Variants in PALS2 observed in about 807,000 individuals in gnomAD.
PALS2 encodes the protein protein associated with LIN7 2, MAGUK p55 family member.
PALS2 carries 27 observed loss-of-function variants against 61.6 expected under a neutral mutation model. The ratio of observed to expected loss-of-function variants is 0.44; its 90% CI spans 0.32 to 0.60. The LOEUF is 0.60. Among genes scored for constraint, PALS2 ranks in the 20% least tolerant of loss-of-function variants. PALS2 has a pLI of 0.05. For synonymous variants in PALS2, 236 were observed against 218.6 expected, an observed-to-expected ratio of 1.08 and a Z score of -0.70; for missense variants, 554 against 639.4, an observed-to-expected ratio of 0.87 and a Z score of 1.44.
chr7:24,654,570 T>C (rs1053139033), intron 5 of PALS2, among the ~76,000 whole-genome samples: 1 of 152,032 alleles, frequency 6.6e-6, no homozygotes, highest in African/African-American at 2.4e-5. Context: ...CCAAAAAAAT[T>C]CAAGACCTCT....
chr7:24,608,029 C>T (rs1024264901), intron 1 of PALS2, among the ~76,000 whole-genome samples: 1 of 151,998 alleles, frequency 6.6e-6, no homozygotes, highest in Non-Finnish European at 1.5e-5. Context: ...ACATCTTTTA[C>T]CACATACATG....
chr7:24,668,450 T>C (rs1387773593), intron 8 of PALS2, 49 bp from the exon 9 acceptor site: 3 of 1,514,520 alleles, frequency 2.0e-6, no homozygotes, highest in Middle Eastern at 3.5e-4. Flanking sequence ...GAGATTTCTT[T>C]CATGTATATA....
intron 5 of PALS2, among the ~76,000 whole-genome samples, chr7:24,662,470 T>C (rs544094540): frequency 1.3e-5 from 2 of 151,902 alleles, no homozygotes; most frequent in South Asian, 4.2e-4. Flanking sequence ...AACAAGTCTG[T>C]TTTAAGAAAG....
rs1014182278 is a variant in PALS2 at position 24,649,726 on chromosome 7, C to T, written c.385C>T (p.Arg129Cys). Residue 129 changes from arginine to cysteine, a missense_variant, in exon 4 of 12, where the codon CGT becomes TGT. Arg to Cys is a radical substitution (Grantham distance 180). Coordinates refer to ENST00000222644, the MANE Select transcript of PALS2 (RefSeq NM_001303037.2). ...NNQLLPVDAIRILGIHKRAGE... is the reference protein window; with the variant it reads ...NNQLLPVDAICILGIHKRAGE... ...TCAGTTATTACCAGTAGATGCCATT[C>T]GTATTCTTGGTATTCACAAAAGAGC... 1.2e-6 allele frequency: 2 copies of T among 1,609,920 alleles called. No homozygotes were observed. Among genetic ancestry groups the T allele is most frequent in the African/African-American group, 2.7e-5 (2 of 74,620 alleles).
Position 24,584,988 on chromosome 7 carries a change from T to C in PALS2, c.-3+11395T>C, listed in dbSNP as rs1392708899. On this transcript the variant is annotated intron_variant, in intron 1 of 11. Transcript: ENST00000222644. ...AGATAGTTGTAGATATGTGGCATTA[T>C]TTCTGAGGGCTCTGTTCTGTTCCAT... Among the ~76,000 whole-genome samples, 4 of 151,834 alleles carry C rather than the reference T, an allele frequency of 2.6e-5. No homozygotes were observed. The South Asian group carries it at 8.3e-4, about 32-fold the overall frequency.
chr7:24,646,033 C>T (rs912339214), intron 3 of PALS2, among the ~76,000 whole-genome samples: 2 of 152,012 alleles, frequency 1.3e-5, no homozygotes, highest in African/African-American at 4.8e-5. Flanking sequence ...CTGAAGTTAT[C>T]AGCTGGAGGA....
intron 1 of PALS2, among the ~76,000 whole-genome samples, chr7:24,589,909 C>G (rs1368430223): frequency 6.6e-6 from 1 of 152,090 alleles, no homozygotes; most frequent in Non-Finnish European, 1.5e-5. Flanking sequence ...CTATACTTTG[C>G]AATGCAGGAT....
At chr7:24,649,174 CAT>C (rs1786007951) in intron 3 of PALS2, among the ~76,000 whole-genome samples, 2 of 152,030 alleles carry the variant, frequency 1.3e-5, no homozygotes, top group Non-Finnish European at 1.5e-5. Flanking sequence ...AAAAGTATAT[CAT>C]ATTACTAACA....
chr7:24,592,538 A>G (rs1226150184), intron 1 of PALS2, among the ~76,000 whole-genome samples: 1 of 152,012 alleles, frequency 6.6e-6, no homozygotes, highest in Non-Finnish European at 1.5e-5. Flanking sequence ...TCATATTTGT[A>G]TTTTGGAAAG....
Position 24,618,726 on chromosome 7 carries a change from C to T in PALS2, c.-2-4940C>T, listed in dbSNP as rs904326382. Among the ~76,000 whole-genome samples, 2 of 152,212 alleles carry T rather than the reference C, an allele frequency of 1.3e-5. No individual in the cohort carries two copies. The highest frequency in any genetic ancestry group is 1.3e-4 in the Admixed American group (2 of 15,290). The stretch of plus-strand genomic sequence containing the variant: ...AGGAGAAGTCCCTTCTGACTCTGGG[C>T]CATTCCAGGCTCGGAGGATGGGATG... On this transcript the variant is annotated intron_variant, in intron 1 of 11. Transcript: ENST00000222644. The surrounding 1 kb of genome is among the most constrained non-coding windows in gnomAD (Gnocchi z 5.1).
chr7:24,667,955 C>T (rs1787115355), intron 8 of PALS2, among the ~76,000 whole-genome samples: 1 of 151,982 alleles, frequency 6.6e-6, no homozygotes, highest in Non-Finnish European at 1.5e-5. Context: ...CATGAGCCAC[C>T]ATGCCCAGCC....
At position 24,661,189 on chromosome 7, in the gene PALS2, T is replaced by G. The variant is rs115979348; in HGVS notation, c.652-2401T>G. Among the ~76,000 whole-genome samples, 851 of 152,288 alleles carry G rather than the reference T, an allele frequency of 5.6e-3. 8 individuals are homozygous for G. Among genetic ancestry groups the G allele is most frequent in the African/African-American group, 0.019 (779 of 41,568 alleles). ...AATTATACTAAATCTAGTCATATCT[T>G]TAATGGTTTTAGAGTCATTACAAAA... is the stretch of plus-strand genomic sequence containing the variant. On this transcript the variant is annotated intron_variant, in intron 5 of 11. Coordinates refer to ENST00000222644, the MANE Select transcript of PALS2 (RefSeq NM_001303037.2).
chr7:24,693,241 G>A lies in PALS2; in HGVS notation c.*5627G>A, dbSNP rs1280520366. The stretch of plus-strand genomic sequence containing the variant: ...AATAGGTGGTGTTGCTACCACAGAA[G>A]CCAAAAAGGTCTTAAAATTGGAAAT... On this transcript the variant is annotated 3_prime_UTR_variant, in exon 12 of 12. Coordinates refer to ENST00000222644, the MANE Select transcript of PALS2 (RefSeq NM_001303037.2). 6.6e-6 allele frequency: 1 copy of A among 152,106 alleles called. No individual in the cohort carries two copies. Among genetic ancestry groups the A allele is most frequent in the Non-Finnish European group, 1.5e-5 (1 of 67,976 alleles). 9.4% of individuals were successfully genotyped at this position (152,106 alleles called of 1,614,324 possible).
chr7:24,662,969 G>A (rs1226092649), intron 5 of PALS2, among the ~76,000 whole-genome samples: 1 of 152,044 alleles, frequency 6.6e-6, no homozygotes, highest in Non-Finnish European at 1.5e-5. Context: ...AAAGAAATGT[G>A]TATACACAAA....
intron 11 of PALS2, among the ~76,000 whole-genome samples, chr7:24,681,821 C>A (rs1381712288): frequency 2.6e-5 from 4 of 152,134 alleles, no homozygotes; most frequent in Admixed American, 2.6e-4. Context: ...CACCTTTTCC[C>A]CTCACTGTAC....
chr7:24,686,805 A>G (rs766003008), intron 11 of PALS2, among the ~76,000 whole-genome samples: 15 of 152,226 alleles, frequency 9.9e-5, no homozygotes, highest in Non-Finnish European at 2.1e-4. Context: ...TCTTACGAAA[A>G]GCTTTACTTA....
At chr7:24,586,830 G>A (rs1316536649) in intron 1 of PALS2, among the ~76,000 whole-genome samples, 1 of 152,154 alleles carries the variant, frequency 6.6e-6, no homozygotes, top group East Asian at 1.9e-4. Flanking sequence ...TGGTGGCAGA[G>A]GGAAGGGAGA....
At chr7:24,659,984 T>C (rs11975462) in intron 5 of PALS2, among the ~76,000 whole-genome samples, 11,667 of 152,264 alleles carry the variant, frequency 0.077, 1,142 homozygotes, top group African/African-American at 0.22. Flanking sequence ...CCTTTCTCCC[T>C]TCCTGATTTG....
chr7:24,585,526 G>A (rs545475332), intron 1 of PALS2, among the ~76,000 whole-genome samples: 4 of 151,884 alleles, frequency 2.6e-5, no homozygotes, highest in Admixed American at 2.0e-4. Context: ...TATTTAACTC[G>A]CTCAGCTTGC....
Sources: allele counts gnomAD v4.1 joint callset (sites outside exome capture counted in the v4.1 genomes callset), GRCh38; gene constraint gnomAD v4.1.1; non-coding constraint Gnocchi (gnomAD v3.1); transcripts MANE v1.5; gene names NCBI Gene and HGNC (gene_info 2026-07-23, HGNC 2026-07-21).